CAP2: variants seen among roughly 807,000 people sequenced by gnomAD.
The protein encoded by CAP2 is cyclase associated actin cytoskeleton regulatory protein 2, also known as adenylyl cyclase-associated protein 2.
Under a neutral mutation model 57.7 loss-of-function variants are expected in CAP2, and 24 were observed. The observed-to-expected ratio is 0.42, with a 90% confidence interval of 0.30 to 0.58. The LOEUF is 0.58. Among genes scored for constraint, CAP2 ranks in the 20% least tolerant of loss-of-function variants. The pLI is 0.22. For missense variants in CAP2, 501 were observed against 590.3 expected, an observed-to-expected ratio of 0.85 and a Z score of 1.57; for synonymous variants, 194 against 207.2, an observed-to-expected ratio of 0.94 and a Z score of 0.55.
rs777803474 is a variant in CAP2, at chr6:17,406,398, C to CTT, written c.-2+12666_-2+12667dup. ...CTTTTCTGTCAGTAAGCCCAGATTT[C>CTT]TTTTTTTTTTTTTTTGAGGCAGTCT... On this transcript the variant is annotated intron_variant, in intron 1 of 12. Coordinates refer to ENST00000229922, the MANE Select transcript of CAP2 (RefSeq NM_006366.3). Among the ~76,000 whole-genome samples the CTT allele has an allele frequency of 5.9e-3, 605 of 102,476 alleles. 84 individuals are homozygous for CTT. The highest frequency in any genetic ancestry group is 0.024 in the African/African-American group (411 of 17,004). 67.2% of individuals were successfully genotyped at this position (102,476 alleles called of 152,430 possible). A position where few individuals can be genotyped will look rare whatever the true frequency, so the allele number is the denominator to read the frequency against.
At chr6:17,556,011 G>A (rs1304321761) in intron 12 of CAP2, among the ~76,000 whole-genome samples, 2 of 152,164 alleles carry the variant, frequency 1.3e-5, no homozygotes, top group Non-Finnish European at 2.9e-5. Context: ...TTACTCTCAG[G>A]CCTCTGTTTC....
Position 17,444,430 on chromosome 6 carries a change from A to G in CAP2, c.222+17740A>G, listed in dbSNP as rs191874149. ...GAGGCAGGCAGATCACGAGGTCAAG[A>G]GATAGAGACCATCCTGGCCAACATG... is the stretch of plus-strand genomic sequence containing the variant. On this transcript the variant is annotated intron_variant, in intron 3 of 12. Transcript: ENST00000229922. Among the ~76,000 whole-genome samples the G allele has an allele frequency of 4.0e-4, 61 of 152,186 alleles. No individual in the cohort carries two copies. In the East Asian group the frequency reaches 0.011, roughly 28 times the overall value.
At chr6:17,410,716 C>T (rs1581494614) in intron 1 of CAP2, among the ~76,000 whole-genome samples, 1 of 152,060 alleles carries the variant, frequency 6.6e-6, no homozygotes, top group Non-Finnish European at 1.5e-5. Flanking sequence ...CGCCACCACG[C>T]CTGGTCAACT....
chr6:17,455,450 CA>C (rs1371149463), intron 3 of CAP2, among the ~76,000 whole-genome samples: 1 of 152,076 alleles, frequency 6.6e-6, no homozygotes, highest in East Asian at 1.9e-4. Flanking sequence ...AACCCCAAAT[CA>C]AAGGGCAGAT....
intron 1 of CAP2, among the ~76,000 whole-genome samples, chr6:17,394,336 C>A (rs1449171129): frequency 1.3e-5 from 2 of 152,048 alleles, no homozygotes; most frequent in East Asian, 3.9e-4. Context: ...AAAAACGGCA[C>A]CCGCCGCTGG....
intron 3 of CAP2, among the ~76,000 whole-genome samples, chr6:17,450,985 C>G (rs1220761069): frequency 6.6e-6 from 1 of 152,116 alleles, no homozygotes; most frequent in Non-Finnish European, 1.5e-5. Context: ...ATATTGCCAA[C>G]ATATTCGTTA....
chr6:17,527,694 C>T (rs1273440835), intron 7 of CAP2, among the ~76,000 whole-genome samples: 3 of 149,382 alleles, frequency 2.0e-5, no homozygotes, highest in Non-Finnish European at 4.4e-5. Context: ...CTCCCGGGAT[C>T]AAGCGATTCT....
intron 6 of CAP2, among the ~76,000 whole-genome samples, chr6:17,511,917 C>T: frequency 6.6e-6 from 1 of 152,006 alleles, no homozygotes; most frequent in Middle Eastern, 3.2e-3. Context: ...GTATTTGGGT[C>T]CTGCTCAATT....
chr6:17,494,137 G>A (rs1761609012), intron 4 of CAP2, among the ~76,000 whole-genome samples: 1 of 152,134 alleles, frequency 6.6e-6, no homozygotes, highest in South Asian at 2.1e-4. Context: ...CCCTAGTTCT[G>A]CGTTTACCCT....
At chr6:17,404,418 A>T (rs1758896918) in intron 1 of CAP2, among the ~76,000 whole-genome samples, 1 of 152,188 alleles carries the variant, frequency 6.6e-6, no homozygotes, top group African/African-American at 2.4e-5. Flanking sequence ...ATCCTGGCTA[A>T]CACGGTGAAA....
intron 4 of CAP2, among the ~76,000 whole-genome samples, chr6:17,486,280 G>C (rs940121255): frequency 6.6e-6 from 1 of 152,190 alleles, no homozygotes; most frequent in Non-Finnish European, 1.5e-5. Context: ...TTAAGCTCAA[G>C]CAAATTTTCT....
chr6:17,534,247 C>G (rs1345804092), intron 7 of CAP2, among the ~76,000 whole-genome samples: 1 of 152,204 alleles, frequency 6.6e-6, no homozygotes, highest in Non-Finnish European at 1.5e-5. Context: ...TAAGAAAAGC[C>G]TTCTTTTGAG....
chr6:17,526,198 A>G (rs969987441), intron 7 of CAP2, among the ~76,000 whole-genome samples: 1 of 150,890 alleles, frequency 6.6e-6, no homozygotes, highest in Non-Finnish European at 1.5e-5. Flanking sequence ...GCTCACTGCA[A>G]CCTCCACCTC....
chr6:17,478,610 G>C (rs979152977), intron 4 of CAP2, among the ~76,000 whole-genome samples: 1 of 151,502 alleles, frequency 6.6e-6, no homozygotes, highest in Non-Finnish European at 1.5e-5. Flanking sequence ...AGCCAAATGA[G>C]TTTTCTCTGT....
At chr6:17,455,561 A>G (rs1760537433) in intron 3 of CAP2, among the ~76,000 whole-genome samples, 1 of 150,640 alleles carries the variant, frequency 6.6e-6, no homozygotes, top group South Asian at 2.1e-4. Context: ...TTTGAGACAG[A>G]GTCTCGCTCT....
At position 17,557,349 on chromosome 6, in the gene CAP2, A is replaced by G. The variant is rs1434610134; in HGVS notation, c.*907A>G. On this transcript the variant is annotated 3_prime_UTR_variant, in exon 13 of 13. Coordinates refer to ENST00000229922, the MANE Select transcript of CAP2 (RefSeq NM_006366.3). Reference sequence around the variant, plus strand: ...TTGCTAACCAAGCTCGAAAATGAACATGAAAAAGCCATACATGTATTATTT... The same window carrying G: ...TTGCTAACCAAGCTCGAAAATGAACGTGAAAAAGCCATACATGTATTATTT... 1 of 152,164 alleles carries G rather than the reference A, an allele frequency of 6.6e-6. No homozygotes were observed. Among genetic ancestry groups the G allele is most frequent in the Non-Finnish European group, 1.5e-5 (1 of 68,016 alleles). The allele number at this position is 152,164 out of a possible 1,614,324, so 9.4% of individuals were successfully genotyped here.
rs1763333103 is a variant in CAP2 at position 17,557,160 on chromosome 6, CAG to C, written c.*720_*721del. On this transcript the variant is annotated 3_prime_UTR_variant, in exon 13 of 13. Transcript: ENST00000229922. Reference sequence around the variant, plus strand: ...AGATTCTTATGCCAAAAACATTAAACAGAAGAAATCATTTTTTTTGCTATGTA... The same window carrying C: ...AGATTCTTATGCCAAAAACATTAAACAAGAAATCATTTTTTTTGCTATGTA... 1 of 105,086 alleles carries C rather than the reference CAG, an allele frequency of 9.5e-6. No homozygotes were observed. The highest frequency in any genetic ancestry group is 9.1e-5 in the Admixed American group (1 of 10,976). 6.5% of individuals were successfully genotyped at this position (105,086 alleles called of 1,614,324 possible). A position where few individuals can be genotyped will look rare whatever the true frequency, so the allele number is the denominator to read the frequency against.
chr6:17,516,474 G>A (rs2113670328), intron 7 of CAP2, among the ~76,000 whole-genome samples: 1 of 152,264 alleles, frequency 6.6e-6, no homozygotes, highest in Admixed American at 6.5e-5. Flanking sequence ...GGTTGGGAGG[G>A]GGCTGAGGGA....
intron 4 of CAP2, among the ~76,000 whole-genome samples, chr6:17,500,384 T>TATATATATATATATATATATATATA (rs869066480): frequency 1.5e-4 from 19 of 124,860 alleles, no homozygotes; most frequent in Non-Finnish European, 2.5e-4. Context: ...TATATATATA[T>TATATATATATATATATATATATATA]TTGGAGACGG....
Sources: gnomAD v4.1 joint callset for allele counts (sites outside exome capture counted in the v4.1 genomes callset) on GRCh38, gnomAD v4.1.1 for gene constraint, MANE v1.5 for transcripts, NCBI Gene and HGNC (gene_info 2026-07-23, HGNC 2026-07-21) for gene names.